CEP112: variants seen among roughly 807,000 people sequenced by gnomAD.
CEP112 encodes centrosomal protein of 112 kDa.
Under a neutral mutation model 153.0 loss-of-function variants are expected in CEP112, and 127 were observed. The ratio of observed to expected loss-of-function variants is 0.83; its 90% CI spans 0.72 to 0.96. CEP112 has a LOEUF of 0.96. CEP112 is among the 40% of genes least tolerant of loss of function. The pLI, the probability that CEP112 is intolerant of heterozygous loss-of-function variation, is 0.00. For missense variants in CEP112, 1,089 were observed against 1,101.2 expected (o/e 0.99, Z 0.16); for synonymous variants, 358 against 374.4 (o/e 0.96, Z 0.51).
intron 23 of CEP112, among the ~76,000 whole-genome samples, chr17:65,705,584 A>T (rs546537747): frequency 6.6e-6 from 1 of 152,312 alleles, no homozygotes; most frequent in African/African-American, 2.4e-5. Context: ...AAAAAGAAAA[A>T]GGAAGGACAG....
intron 23 of CEP112, among the ~76,000 whole-genome samples, chr17:65,701,602 A>G (rs1044160030): frequency 1.3e-5 from 2 of 152,144 alleles, no homozygotes; most frequent in African/African-American, 2.4e-5. Context: ...GACGACTCCT[A>G]TACTCATCTC....
At chr17:65,796,341 T>C (rs2054910873) in intron 21 of CEP112, among the ~76,000 whole-genome samples, 1 of 152,208 alleles carries the variant, frequency 6.6e-6, no homozygotes, top group Admixed American at 6.5e-5. Context: ...AATCAACCAC[T>C]GCAGCCTGCC....
intron 24 of CEP112, among the ~76,000 whole-genome samples, chr17:65,669,685 C>T (rs150483844): frequency 0.015 from 2,293 of 152,160 alleles, 45 homozygotes; most frequent in African/African-American, 0.05. Context: ...GGGTGGATCA[C>T]GAGGTCAGGA....
chr17:65,694,811 A>G (rs572557240), intron 23 of CEP112, among the ~76,000 whole-genome samples: 1 of 152,330 alleles, frequency 6.6e-6, no homozygotes, highest in African/African-American at 2.4e-5. Context: ...ATCCTTATTC[A>G]AAAAAGCTTC....
intron 22 of CEP112, among the ~76,000 whole-genome samples, chr17:65,745,874 T>A (rs948554325): frequency 1.3e-5 from 2 of 152,108 alleles, no homozygotes; most frequent in Non-Finnish European, 2.9e-5. Context: ...TCAAAGGCCA[T>A]GGAACAGGGA....
At chr17:66,079,442 C>A (rs1205838174) in intron 8 of CEP112, among the ~76,000 whole-genome samples, 2 of 152,026 alleles carry the variant, frequency 1.3e-5, no homozygotes, top group African/African-American at 2.4e-5. Context: ...CACAACAATG[C>A]CTCTAACATA....
chr17:66,000,928 G>A (rs1181284505), intron 17 of CEP112, among the ~76,000 whole-genome samples: 1 of 152,198 alleles, frequency 6.6e-6, no homozygotes, highest in African/African-American at 2.4e-5. Context: ...GTCCTGCGCT[G>A]TGATGCTGTG....
chr17:65,925,789 A>C (rs971300771), intron 19 of CEP112, among the ~76,000 whole-genome samples: 2 of 152,194 alleles, frequency 1.3e-5, no homozygotes, highest in Admixed American at 6.5e-5. Context: ...CAAATGCTCA[A>C]AATATTTCCT....
chr17:65,992,615 T>C (rs1737611789), intron 17 of CEP112, among the ~76,000 whole-genome samples: 1 of 152,194 alleles, frequency 6.6e-6, no homozygotes, highest in African/African-American at 2.4e-5. Flanking sequence ...GAAATCTTTA[T>C]GTTTACTATT....
chr17:65,799,825 C>A (rs1249152434), intron 21 of CEP112, among the ~76,000 whole-genome samples: 1 of 152,240 alleles, frequency 6.6e-6, no homozygotes, highest in East Asian at 1.9e-4. Context: ...CTCACACACA[C>A]ACTGGCACCC....
At chr17:65,894,976 T>C (rs906275081) in intron 20 of CEP112, among the ~76,000 whole-genome samples, 5 of 152,120 alleles carry the variant, frequency 3.3e-5, no homozygotes, top group African/African-American at 4.8e-5. Flanking sequence ...TGGATATATG[T>C]AGTTTGAATT....
chr17:65,958,932 C>T (rs142923863), intron 18 of CEP112, among the ~76,000 whole-genome samples: 79 of 152,296 alleles, frequency 5.2e-4, no homozygotes, highest in African/African-American at 1.8e-3. Flanking sequence ...AAGCCCCAGG[C>T]TCAGCCAGAG....
At chr17:65,650,213 G>A (rs2045671271) in intron 24 of CEP112, among the ~76,000 whole-genome samples, 1 of 152,182 alleles carries the variant, frequency 6.6e-6, no homozygotes, top group Non-Finnish European at 1.5e-5. Context: ...ACATCTGGAT[G>A]TTGGGGGCCC....
In CEP112 at chr17:65,640,154, A is replaced by ATATATATATATTTT. The variant is rs1300751452; in HGVS notation, c.2799+809_2799+810insAAAATATATATATA. ...CACCCGACCATATATATATATATAT[A>ATATATATATATTTT]TTTTTTTTTTTTTTTTTTTGAGACA... On this transcript the variant is annotated intron_variant, in intron 25 of 26. Coordinates refer to ENST00000535342, the MANE Select transcript of CEP112 (RefSeq NM_001199165.4). Among the ~76,000 whole-genome samples the ATATATATATATTTT allele has an allele frequency of 1.6e-3, 126 of 78,320 alleles. 2 individuals carry two copies. The highest frequency in any genetic ancestry group is 8.2e-3 in the African/African-American group (116 of 14,198). The allele number at this position is 78,320 out of a possible 152,430, so 51.4% of individuals were successfully genotyped here.
intron 20 of CEP112, among the ~76,000 whole-genome samples, chr17:65,865,863 G>A (rs538578306): frequency 3.3e-5 from 5 of 152,206 alleles, no homozygotes; most frequent in African/African-American, 7.2e-5. Flanking sequence ...GGAGCAGCAC[G>A]GTTGGGCACA....
chr17:65,941,798 T>TA (rs1445194365), intron 18 of CEP112, among the ~76,000 whole-genome samples: 1 of 151,660 alleles, frequency 6.6e-6, no homozygotes, highest in Non-Finnish European at 1.5e-5. Flanking sequence ...TTGTTTTTTT[T>TA]TTGGAGACAG....
intron 6 of CEP112, among the ~76,000 whole-genome samples, chr17:66,128,014 A>G (rs1055062312): frequency 3.9e-5 from 6 of 152,066 alleles, no homozygotes; most frequent in African/African-American, 1.4e-4. Flanking sequence ...ATAAAGACCT[A>G]AAACGGCCAG....
chr17:65,766,095 A>G (rs2052950022), intron 21 of CEP112, among the ~76,000 whole-genome samples: 1 of 144,796 alleles, frequency 6.9e-6, no homozygotes, highest in African/African-American at 2.6e-5. Flanking sequence ...TAGAGAGACA[A>G]TTTGATGATA....
intron 19 of CEP112, among the ~76,000 whole-genome samples, chr17:65,921,637 C>T (rs758740776): frequency 2.4e-4 from 36 of 152,028 alleles, no homozygotes; most frequent in Non-Finnish European, 4.3e-4. Flanking sequence ...ACCTGAGGTA[C>T]GCTTGTGTGT....
Sources: gnomAD v4.1 joint callset for allele counts (sites outside exome capture counted in the v4.1 genomes callset) on GRCh38, gnomAD v4.1.1 for gene constraint, MANE v1.5 for transcripts, NCBI Gene and HGNC (gene_info 2026-07-23, HGNC 2026-07-21) for gene names.